The following NSD1 variants were observed in gnomAD, a reference collection of about 807,000 sequenced individuals.
NSD1 encodes nuclear receptor binding SET domain protein 1.
A neutral mutation model predicts 242.7 loss-of-function variants in NSD1; 26 were observed. The observed-to-expected ratio is 0.11, with a 90% confidence interval of 0.08 to 0.15. The LOEUF (loss-of-function observed/expected upper bound fraction) is 0.15, where lower values mean the gene tolerates loss of function less well. Ranked by LOEUF, NSD1 falls within the 10% of genes least tolerant of loss-of-function variation. The pLI, the probability that NSD1 is intolerant of heterozygous loss-of-function variation, is 1.00. For missense variants in NSD1, 2,495 were observed against 3,272.8 expected (o/e 0.76, Z 5.80); for synonymous variants, 1,106 against 1,178.1 (o/e 0.94, Z 1.25).
chr5:177,174,462 A>T (rs1046105274), intron 2 of NSD1, among the ~76,000 whole-genome samples: 1 of 151,324 alleles, frequency 6.6e-6, no homozygotes, highest in Non-Finnish European at 1.5e-5. Flanking sequence ...ATCGCCTCCC[A>T]CCTTGGCCTC....
chr5:177,214,635 G>T (rs1452504352), intron 5 of NSD1, among the ~76,000 whole-genome samples: 1 of 149,998 alleles, frequency 6.7e-6, no homozygotes, highest in Non-Finnish European at 1.5e-5. Context: ...TGTTTTCAAG[G>T]TTCATCCATG....
intron 21 of NSD1, among the ~76,000 whole-genome samples, chr5:177,290,520 G>A (rs905988944): frequency 1.3e-5 from 2 of 150,306 alleles, no homozygotes; most frequent in African/African-American, 4.9e-5. Context: ...TGATTCTCCT[G>A]CCTCAGCCTC....
chr5:177,254,683 C>T (rs1756282812), intron 12 of NSD1, among the ~76,000 whole-genome samples: 1 of 152,142 alleles, frequency 6.6e-6, no homozygotes. Context: ...GCTGGGATTA[C>T]AGGTGTGAGT....
In NSD1 at chr5:177,211,422, C is replaced by T; in HGVS notation, c.3023C>T (p.Ser1008Phe). The T allele has an allele frequency of 1.2e-6, 2 of 1,614,154 alleles. No individual in the cohort carries two copies. Among genetic ancestry groups the T allele is most frequent in the East Asian group, 2.2e-5 (1 of 44,894 alleles). Residue 1008 changes from serine to phenylalanine, a missense_variant, in exon 5 of 23, where the codon TCT becomes TTT. By Grantham distance (155) the Ser-to-Phe change is radical. This residue lies in a region of NSD1 where 426 missense variants were observed against 411.4 expected (regional missense o/e 1.04). Coordinates refer to ENST00000439151, the MANE Select transcript of NSD1 (RefSeq NM_022455.5). ...TCCGACAAGAGAGACCTCCCTGCTT[C>T]TGGTAAAAGTCGTTCAGACTGTGTT... is the stretch of plus-strand genomic sequence containing the variant. Reference protein sequence around the residue: ...LLSDKRDLPASGKSRSDCVTR... With the variant: ...LLSDKRDLPAFGKSRSDCVTR...
intron 2 of NSD1, among the ~76,000 whole-genome samples, chr5:177,163,214 C>CTGGGT (rs1332895635): frequency 1.3e-5 from 2 of 149,062 alleles, no homozygotes; most frequent in Non-Finnish European, 3.0e-5. Context: ...ACGATCTCGG[C>CTGGGT]TCACTGCAAC....
At chr5:177,142,444 G>A (rs1285948449) in intron 2 of NSD1, among the ~76,000 whole-genome samples, 1 of 152,224 alleles carries the variant, frequency 6.6e-6, no homozygotes, top group Non-Finnish European at 1.5e-5. Context: ...CTTTGGGAGT[G>A]TGGAGGAAGG....
chr5:177,285,946 A>C (rs1327114830), intron 20 of NSD1, among the ~76,000 whole-genome samples: 1 of 152,088 alleles, frequency 6.6e-6, no homozygotes, highest in Non-Finnish European at 1.5e-5. Flanking sequence ...CCCAGGCTGG[A>C]GTGCAGTGGC....
chr5:177,250,531 TAAC>T (rs1755851967), intron 11 of NSD1, among the ~76,000 whole-genome samples: 1 of 152,178 alleles, frequency 6.6e-6, no homozygotes, highest in South Asian at 2.1e-4. Context: ...ACGTTGTAAT[TAAC>T]GTTTTCCTAT....
At chr5:177,201,554 A>G (rs1220514046) in intron 3 of NSD1, among the ~76,000 whole-genome samples, 2 of 141,474 alleles carry the variant, frequency 1.4e-5, no homozygotes, top group Non-Finnish European at 3.1e-5. Flanking sequence ...TCTATCTTTA[A>G]CTGTTTACTT....
chr5:177,187,294 G>A (rs1272865802), intron 2 of NSD1, among the ~76,000 whole-genome samples: 2 of 151,654 alleles, frequency 1.3e-5, no homozygotes, highest in Non-Finnish European at 2.9e-5. Context: ...TAGTAGAGAT[G>A]GGGTTTCACC....
chr5:177,280,336 G>A (rs954680859), intron 17 of NSD1, among the ~76,000 whole-genome samples: 3 of 152,122 alleles, frequency 2.0e-5, no homozygotes, highest in Non-Finnish European at 2.9e-5. Flanking sequence ...GTGCAGTGGT[G>A]AAATCTTGTC....
chr5:177,148,493 T>A (rs1437755896), intron 2 of NSD1, among the ~76,000 whole-genome samples: 1 of 152,080 alleles, frequency 6.6e-6, no homozygotes, highest in Non-Finnish European at 1.5e-5. Flanking sequence ...GGCGCGATCC[T>A]GGCTCACTGC....
At position 177,299,486 on chromosome 5, in the gene NSD1, T is replaced by C. The variant is rs114048132; in HGVS notation, c.*4027T>C. On this transcript the variant is annotated 3_prime_UTR_variant, in exon 23 of 23. Coordinates refer to ENST00000439151, the MANE Select transcript of NSD1 (RefSeq NM_022455.5). Reference sequence around the variant, plus strand: ...GTCCACGCTGCCTGGAGCAGGTTGTTAGAGAGCTCTGGTTGTTGGGTCTTC... The same window carrying C: ...GTCCACGCTGCCTGGAGCAGGTTGTCAGAGAGCTCTGGTTGTTGGGTCTTC... 4,529 of 233,296 alleles carry C rather than the reference T, an allele frequency of 0.019. 61 individuals are homozygous for C. The highest frequency in any genetic ancestry group is 0.029 in the Non-Finnish European group (3,378 of 118,054). 14.5% of individuals were successfully genotyped at this position (233,296 alleles called of 1,614,324 possible).
intron 4 of NSD1, among the ~76,000 whole-genome samples, chr5:177,207,432 G>A (rs1428972608): frequency 6.6e-6 from 1 of 151,012 alleles, no homozygotes; most frequent in African/African-American, 2.4e-5. Context: ...ACAGGTGTCC[G>A]CCACCAGGCC....
At chr5:177,136,742 C>T in intron 2 of NSD1, 3 of 526,340 alleles carry the variant, frequency 5.7e-6, no homozygotes, top group East Asian at 3.0e-5. Context: ...TACTGGTACC[C>T]ATCACCACGC....
chr5:177,133,781 G>C lies in NSD1; in HGVS notation c.-189G>C, dbSNP rs1477349927. 6.7e-6 allele frequency: 1 copy of C among 149,470 alleles called. No homozygotes were observed. The highest frequency in any genetic ancestry group is 2.4e-5 in the African/African-American group (1 of 40,948). 9.3% of individuals were successfully genotyped at this position (149,470 alleles called of 1,614,324 possible). On this transcript the variant is annotated 5_prime_UTR_variant, in exon 1 of 23. Coordinates refer to ENST00000439151, the MANE Select transcript of NSD1 (RefSeq NM_022455.5). This position sits in a 1 kb window ranked among gnomAD's most constrained non-coding sequence, Gnocchi z 6.2. ...GGGGGTGTGAGGAGGAGGAGGCGGC[G>C]GCGGAATAGGCCGGGGCAGGTCGCG...
At chr5:177,235,357 A>C (rs1205593604) in intron 5 of NSD1, among the ~76,000 whole-genome samples, 1 of 152,176 alleles carries the variant, frequency 6.6e-6, no homozygotes, top group Non-Finnish European at 1.5e-5. Flanking sequence ...AAGATAACTT[A>C]TTATATATAT....
chr5:177,135,006 G>C, intron 1 of NSD1, 81 bp from the exon 2 acceptor site: 1 of 1,218,460 alleles, frequency 8.2e-7, no homozygotes, highest in Non-Finnish European at 1.2e-6. Flanking sequence ...AGGCCACTAG[G>C]CCTTGAAGTG....
At chr5:177,180,413 CG>C (rs1327809783) in intron 2 of NSD1, among the ~76,000 whole-genome samples, 1 of 151,482 alleles carries the variant, frequency 6.6e-6, no homozygotes, top group Non-Finnish European at 1.5e-5. Context: ...GCCTACTCAC[CG>C]TTTCAATGAA....
Sources: gnomAD v4.1 joint callset for allele counts (sites outside exome capture counted in the v4.1 genomes callset) on GRCh38, gnomAD v4.1.1 for gene constraint, gnomAD v4.1.1 regional missense constraint, Gnocchi (gnomAD v3.1) non-coding constraint, MANE v1.5 for transcripts, NCBI Gene and HGNC (gene_info 2026-07-23, HGNC 2026-07-21) for gene names.